The following CBLN2 variants were observed in gnomAD, a reference collection of about 807,000 sequenced individuals.
The protein encoded by CBLN2 is cerebellin 2 precursor.
Under a neutral mutation model 15.0 loss-of-function variants are expected in CBLN2, and 7 were observed. That is an observed-to-expected ratio of 0.47 (90% CI 0.27 to 0.88). CBLN2 has a LOEUF of 0.88. Among genes scored for constraint, CBLN2 ranks in the 40% least tolerant of loss-of-function variants. The pLI, the probability that CBLN2 is intolerant of heterozygous loss-of-function variation, is 0.14. For missense variants in CBLN2, 242 were observed against 304.5 expected (o/e 0.79, Z 1.53); for synonymous variants, 149 against 135.2 (o/e 1.10, Z -0.71).
Position 72,559,373 on chromosome 18 carries a change from C to A in CBLN2, c.16-20601G>T, listed in dbSNP as rs368370388. 2.0e-5 allele frequency among the ~76,000 whole-genome samples: 3 copies of A among 152,326 alleles called. No homozygotes were observed. In the East Asian group the frequency reaches 5.8e-4, roughly 29 times the overall value. On this transcript the variant is annotated intron_variant, in intron 1 of 2. Transcript: ENST00000581073. ...TTTGATGAATTTGACTGAGAAGTAT[C>A]GTGTTCCCTAACCTATTAGGGGCTT...
rs2144865348 is a variant in CBLN2, at chr18:72,541,885, C to T, written c.276G>A (p.Lys92=). ...TGCTCCGCGTGGCGGAGAAGGCCACCTTGGCGCTGCCGGAGCGCACGGAGA... is the reference window on the plus strand; with the variant it reads ...TGCTCCGCGTGGCGGAGAAGGCCACTTTGGCGCTGCCGGAGCGCACGGAGA... ...LGISVRSGSA[K]VAFSATRSTN... The change falls in exon 3 of 5, where the codon AAG becomes AAA. Residue 92 remains lysine (K), a synonymous_variant. Coordinates refer to ENST00000269503, the MANE Select transcript of CBLN2 (RefSeq NM_182511.4). The T allele has an allele frequency of 1.9e-6, 3 of 1,607,080 alleles. No individual in the cohort carries two copies. The highest frequency in any genetic ancestry group is 2.2e-5 in the East Asian group (1 of 44,588).
At chr18:72,562,492 C>A (rs2069268224) in intron 1 of CBLN2, among the ~76,000 whole-genome samples, 1 of 152,164 alleles carries the variant, frequency 6.6e-6, no homozygotes, top group South Asian at 2.1e-4. Context: ...AGTATGATTT[C>A]TCAGTATATC....
chr18:72,595,118 A>G (rs1172639794), intron 1 of CBLN2, among the ~76,000 whole-genome samples: 1 of 151,462 alleles, frequency 6.6e-6, no homozygotes, highest in African/African-American at 2.4e-5. Flanking sequence ...AAGATGCATA[A>G]TTAGGTTATT....
chr18:72,638,040 G>A (rs987417551), intron 1 of CBLN2, among the ~76,000 whole-genome samples: 1 of 152,152 alleles, frequency 6.6e-6, no homozygotes, highest in Non-Finnish European at 1.5e-5. Flanking sequence ...TGTGGAAATC[G>A]CAGGTTTAGA....
chr18:72,538,126 G>T lies in CBLN2; in HGVS notation c.*50C>A. The T allele has an allele frequency of 6.3e-7, 1 of 1,589,332 alleles. No individual in the cohort carries two copies. The highest frequency in any genetic ancestry group is 1.1e-5 in the South Asian group (1 of 90,478). On this transcript the variant is annotated 3_prime_UTR_variant, in exon 5 of 5. Transcript: ENST00000269503. The stretch of plus-strand genomic sequence containing the variant: ...TAAGTTCAGGGTGTTTTAAAGGGCG[G>T]AGTCCTGGGTCCAGTTTGCCATTCC...
intron 1 of CBLN2, among the ~76,000 whole-genome samples, chr18:72,601,711 G>A (rs746349304): frequency 1.3e-5 from 2 of 152,012 alleles, no homozygotes; most frequent in African/African-American, 4.8e-5. Context: ...CCAAGACAGC[G>A]TCCCCACCCC....
chr18:72,566,625 A>G (rs901457768), intron 1 of CBLN2, among the ~76,000 whole-genome samples: 5 of 152,136 alleles, frequency 3.3e-5, no homozygotes, highest in Admixed American at 2.6e-4. Context: ...AATTCAATAG[A>G]GTGGTGGTTA....
rs1207232622 is a variant in CBLN2, at chr18:72,542,185, G to C, written c.-25C>G. 2.5e-6 allele frequency: 3 copies of C among 1,204,268 alleles called. No individual in the cohort carries two copies. The highest frequency in any genetic ancestry group is 3.1e-6 in the Non-Finnish European group (3 of 971,798). 74.6% of individuals were successfully genotyped at this position (1,204,268 alleles called of 1,614,324 possible). A position where few individuals can be genotyped will look rare whatever the true frequency, so the allele number is the denominator to read the frequency against. ...TCGGGACTGGTGGGAGGCGGCGCGCGGGGGTGGAGGCCGGCGCCGGCGCGA... is the reference window on the plus strand; with the variant it reads ...TCGGGACTGGTGGGAGGCGGCGCGCCGGGGTGGAGGCCGGCGCCGGCGCGA... On this transcript the variant is annotated 5_prime_UTR_variant, in exon 3 of 5. Coordinates refer to ENST00000269503, the MANE Select transcript of CBLN2 (RefSeq NM_182511.4).
chr18:72,569,646 G>A (rs2069317767), intron 1 of CBLN2, among the ~76,000 whole-genome samples: 1 of 152,082 alleles, frequency 6.6e-6, no homozygotes, highest in South Asian at 2.1e-4. Flanking sequence ...GGGGGATCAG[G>A]CCCCACACAT....
rs111675192 is a variant in CBLN2 at position 72,612,071 on chromosome 18, G to T, written c.15+26254C>A. 3.2e-3 allele frequency among the ~76,000 whole-genome samples: 485 copies of T among 151,972 alleles called. 1 individual carries two copies. The highest frequency in any genetic ancestry group is 6.8e-3 in the Middle Eastern group (2 of 294). On this transcript the variant is annotated intron_variant, in intron 1 of 2. Coordinates refer to the CBLN2 transcript ENST00000581073. ...TGTTAAGTGTGTGGCTTTATTTTGG[G>T]GGTTCTCTATTCTGTTGCATTGTTA...
At chr18:72,544,347 G>C (rs2069142429), upstream of CBLN2, 1 of 152,252 alleles carries the variant, frequency 6.6e-6, no homozygotes, top group African/African-American at 2.4e-5. Context: ...CGGACTGGTG[G>C]AGCGGCTGGC....
intron 1 of CBLN2, among the ~76,000 whole-genome samples, chr18:72,574,807 G>A (rs1310570289): frequency 2.0e-5 from 3 of 152,206 alleles, no homozygotes; most frequent in Non-Finnish European, 4.4e-5. Context: ...AGGAAAGTAT[G>A]TCATGATTAC....
intron 1 of CBLN2, among the ~76,000 whole-genome samples, chr18:72,551,897 T>G (rs925037758): frequency 1.5e-4 from 23 of 152,288 alleles, no homozygotes; most frequent in Non-Finnish European, 3.1e-4. Context: ...GAAGGCCAAC[T>G]TTTTCTTTTG....
rs72634449 is a variant in CBLN2, at chr18:72,573,756, A to G, written c.16-34984T>C. Among the ~76,000 whole-genome samples the G allele has an allele frequency of 0.046, 7,065 of 152,276 alleles. 808 individuals carry two copies. In the East Asian group the frequency reaches 0.51, roughly 11 times the overall value. On this transcript the variant is annotated intron_variant, in intron 1 of 2. Transcript: ENST00000581073. ...ATGGATAAAGCTGCTATAAGCATCT[A>G]TGTGAAGGTTTTCATGTAGATCTAG...
chr18:72,626,806 C>T (rs1212896791), intron 1 of CBLN2, among the ~76,000 whole-genome samples: 1 of 152,188 alleles, frequency 6.6e-6, no homozygotes, highest in Non-Finnish European at 1.5e-5. Flanking sequence ...TGACCACTAG[C>T]TCAGGCAGAA....
intron 1 of CBLN2, among the ~76,000 whole-genome samples, chr18:72,604,125 C>T (rs980330178): frequency 2.0e-5 from 3 of 152,190 alleles, no homozygotes; most frequent in African/African-American, 7.2e-5. Context: ...ACACTGATCT[C>T]TTCTTCCTCA....
intron 1 of CBLN2, among the ~76,000 whole-genome samples, chr18:72,587,222 T>C (rs1568124937): frequency 6.6e-6 from 1 of 151,976 alleles, no homozygotes; most frequent in Non-Finnish European, 1.5e-5. Context: ...AAATAGAAAA[T>C]ACAAGAGAAT....
chr18:72,614,868 C>A (rs962347269), intron 1 of CBLN2, among the ~76,000 whole-genome samples: 18 of 151,082 alleles, frequency 1.2e-4, no homozygotes, highest in African/African-American at 4.1e-4. Flanking sequence ...TTTTAAAAAT[C>A]TTTTCAGTAA....
chr18:72,628,403 T>A (rs1316479536), intron 1 of CBLN2, among the ~76,000 whole-genome samples: 1 of 152,124 alleles, frequency 6.6e-6, no homozygotes, highest in Non-Finnish European at 1.5e-5. Flanking sequence ...GACAAAAAAA[T>A]TGACAGAGGG....
Sources: gnomAD v4.1 joint callset for allele counts (sites outside exome capture counted in the v4.1 genomes callset) on GRCh38, gnomAD v4.1.1 for gene constraint, MANE v1.5 for transcripts, NCBI Gene and HGNC (gene_info 2026-07-23, HGNC 2026-07-21) for gene names.